The following SLC25A42 variants were observed in gnomAD, a reference collection of about 807,000 sequenced individuals.
The protein encoded by SLC25A42 is mitochondrial coenzyme A transporter SLC25A42.
A neutral mutation model predicts 34.7 loss-of-function variants in SLC25A42; 19 were observed. That is an observed-to-expected ratio of 0.55 (90% CI 0.38 to 0.80). The LOEUF (loss-of-function observed/expected upper bound fraction) is 0.80, where lower values mean the gene tolerates loss of function less well. SLC25A42 is among the 30% of genes least tolerant of loss of function. The pLI is 0.00. For missense variants in SLC25A42, 364 were observed against 441.3 expected (o/e 0.82, Z 1.57); for synonymous variants, 205 against 191.2 (o/e 1.07, Z -0.59).
chr19:19,094,220 C>T (rs1161968927), intron 1 of SLC25A42, among the ~76,000 whole-genome samples: 1 of 152,204 alleles, frequency 6.6e-6, no homozygotes, highest in Admixed American at 6.5e-5. Context: ...GGCATGGCCC[C>T]TCTTGGAGGT....
Position 19,110,589 on chromosome 19 carries a change from C to G in SLC25A42, c.670C>G (p.Pro224Ala). 6.8e-7 allele frequency: 1 copy of G among 1,469,982 alleles called. No individual in the cohort carries two copies. The highest frequency in any genetic ancestry group is 2.6e-5 in the East Asian group (1 of 38,994). The allele number at this position is 1,469,982 out of a possible 1,614,324, so 91.1% of individuals were successfully genotyped here. A position where few individuals can be genotyped will look rare whatever the true frequency, so the allele number is the denominator to read the frequency against. The stretch of plus-strand genomic sequence containing the variant: ...TGCAGAGTACAGCGGCCGCCGGCAG[C>G]CCTACCCCTTCGAGCGCATGATCTT... ...LHREYSGRRQ[P>A]YPFERMIFGA... The change falls in exon 8 of 8, where the codon CCC becomes GCC. Residue 224 changes from proline (P) to alanine (A), a missense_variant. Coordinates refer to ENST00000318596, the MANE Select transcript of SLC25A42 (RefSeq NM_178526.5).
intron 1 of SLC25A42, among the ~76,000 whole-genome samples, chr19:19,070,186 AG>A (rs1568505971): frequency 6.6e-6 from 1 of 151,430 alleles, no homozygotes; most frequent in Non-Finnish European, 1.5e-5. Context: ...TAGTAGAGAC[AG>A]GGTTTCACTG....
chr19:19,095,894 A>G, intron 1 of SLC25A42, 197 bp from the exon 2 acceptor site: 1 of 641,462 alleles, frequency 1.6e-6, no homozygotes, highest in South Asian at 1.6e-5. Context: ...ACTGTTTGTG[A>G]GGATTACATT....
chr19:19,105,817 T>C, intron 5 of SLC25A42, 90 bp downstream of exon 5: 1 of 1,170,562 alleles, frequency 8.5e-7, no homozygotes, highest in Non-Finnish European at 1.2e-6. Flanking sequence ...CTCCTCTTCG[T>C]GCCTTGCCCC....
intron 1 of SLC25A42, among the ~76,000 whole-genome samples, chr19:19,092,833 G>A (rs574308195): frequency 2.2e-4 from 33 of 152,278 alleles, no homozygotes; most frequent in African/African-American, 7.7e-4. Context: ...CCAAGTGCAA[G>A]GACAGCCCCC....
At chr19:19,067,596 A>T (rs4808915) in intron 1 of SLC25A42, among the ~76,000 whole-genome samples, 10,003 of 151,976 alleles carry the variant, frequency 0.066, 387 homozygotes, top group Middle Eastern at 0.14. Context: ...GTTAAAAAAA[A>T]TTTTTTTTGA....
At chr19:19,103,779 C>G (rs1474880798) in intron 3 of SLC25A42, among the ~76,000 whole-genome samples, 1 of 152,250 alleles carries the variant, frequency 6.6e-6, no homozygotes, top group African/African-American at 2.4e-5. Flanking sequence ...CCCCTACCCT[C>G]TCTGTGTCCC....
intron 1 of SLC25A42, among the ~76,000 whole-genome samples, chr19:19,091,226 G>A (rs1002271364): frequency 6.6e-6 from 1 of 152,182 alleles, no homozygotes; most frequent in African/African-American, 2.4e-5. Context: ...GGAGGCCAAC[G>A]AGGGCAGATC....
chr19:19,096,949 AAAG>A (rs2059768918), intron 2 of SLC25A42, among the ~76,000 whole-genome samples: 1 of 152,074 alleles, frequency 6.6e-6, no homozygotes, highest in Admixed American at 6.6e-5. Flanking sequence ...AAACAAAAAA[AAAG>A]AGCCAAATGC....
Position 19,104,897 on chromosome 19 carries a change from C to T in SLC25A42, c.188-16C>T, listed in dbSNP as rs1482865714. On this transcript the variant is annotated splice_polypyrimidine_tract_variant and intron_variant, in intron 3 of 7. Coordinates refer to ENST00000318596, the MANE Select transcript of SLC25A42 (RefSeq NM_178526.5). ...CCTTTGCATCTCAGTGGCTTTTGTG[C>T]TTTTGTTTTTTCCAGTGTCTTCAAA... 6.2e-7 allele frequency: 1 copy of T among 1,613,964 alleles called. No homozygotes were observed. Among genetic ancestry groups the T allele is most frequent in the Non-Finnish European group, 8.5e-7 (1 of 1,180,006 alleles).
chr19:19,071,010 T>TTTTTTTTTTA (rs397967500), intron 1 of SLC25A42, among the ~76,000 whole-genome samples: 3 of 147,992 alleles, frequency 2.0e-5, no homozygotes, highest in African/African-American at 7.6e-5. Context: ...TTTTTTTTTT[T>TTTTTTTTTTA]AATACAGGGT....
At chr19:19,066,676 C>A (rs953829365) in intron 1 of SLC25A42, among the ~76,000 whole-genome samples, 2 of 152,050 alleles carry the variant, frequency 1.3e-5, no homozygotes, top group Non-Finnish European at 2.9e-5. Context: ...TGGTCTCGAT[C>A]TCCTGACCTT....
chr19:19,065,988 C>T (rs2059600126), intron 1 of SLC25A42, among the ~76,000 whole-genome samples: 1 of 152,100 alleles, frequency 6.6e-6, no homozygotes, highest in East Asian at 1.9e-4. Context: ...TCCTGAGTAG[C>T]TGGGATTACA....
chr19:19,092,975 G>A (rs2059745943), intron 1 of SLC25A42, among the ~76,000 whole-genome samples: 1 of 152,118 alleles, frequency 6.6e-6, no homozygotes, highest in African/African-American at 2.4e-5. Flanking sequence ...GCAACCGGCT[G>A]GGAAAGGTCT....
intron 1 of SLC25A42, among the ~76,000 whole-genome samples, chr19:19,087,894 G>A (rs2059716326): frequency 6.6e-6 from 1 of 152,230 alleles, no homozygotes; most frequent in Non-Finnish European, 1.5e-5. Context: ...TGGGGAAGCT[G>A]GGGGCAGCCA....
intron 1 of SLC25A42, among the ~76,000 whole-genome samples, chr19:19,068,760 C>A (rs1792242607): frequency 6.6e-6 from 1 of 152,024 alleles, no homozygotes; most frequent in African/African-American, 2.4e-5. Context: ...ATCGTTTGAA[C>A]CCTGGAGGCG....
intron 3 of SLC25A42, among the ~76,000 whole-genome samples, chr19:19,104,027 C>T (rs2059812663): frequency 6.6e-6 from 1 of 152,170 alleles, no homozygotes; most frequent in South Asian, 2.1e-4. Flanking sequence ...CTGCCTTACC[C>T]TCCCGAGTAG....
At chr19:19,087,534 C>G (rs1418028477) in intron 1 of SLC25A42, among the ~76,000 whole-genome samples, 1 of 152,162 alleles carries the variant, frequency 6.6e-6, no homozygotes, top group Non-Finnish European at 1.5e-5. Flanking sequence ...ATGATCCACC[C>G]ACTTCGGCCT....
chr19:19,090,168 G>A (rs1029271578), intron 1 of SLC25A42, among the ~76,000 whole-genome samples: 7 of 152,136 alleles, frequency 4.6e-5, no homozygotes, highest in African/African-American at 7.2e-5. Flanking sequence ...CAAAACCAGC[G>A]TGTCTGTCCC....
Sources: allele counts gnomAD v4.1 joint callset (sites outside exome capture counted in the v4.1 genomes callset), GRCh38; gene constraint gnomAD v4.1.1; transcripts MANE v1.5; gene names NCBI Gene and HGNC (gene_info 2026-07-23, HGNC 2026-07-21).